Variants in CNBP observed in about 807,000 individuals in gnomAD.
The protein encoded by CNBP is cellular nucleic acid-binding protein.
CNBP carries 6 observed loss-of-function variants against 21.2 expected under a neutral mutation model. The observed-to-expected ratio is 0.28, with a 90% confidence interval of 0.16 to 0.56. CNBP has a LOEUF of 0.56. Ranked by LOEUF, CNBP falls within the 20% of genes least tolerant of loss-of-function variation. The pLI is 0.93. For synonymous variants in CNBP, 61 were observed against 74.9 expected (o/e 0.81, Z 0.96); for missense variants, 112 against 233.1 (o/e 0.48, Z 3.38).
intron 4 of CNBP, 149 bp from the exon 5 acceptor site, chr3:129,170,719 T>A: frequency 1.5e-6 from 1 of 664,754 alleles, no homozygotes; most frequent in South Asian, 1.8e-5. Flanking sequence ...ACAACATTTA[T>A]CAAATTATAC....
chr3:129,180,632 G>C (rs888226242), intron 1 of CNBP, among the ~76,000 whole-genome samples: 1 of 152,214 alleles, frequency 6.6e-6, no homozygotes, highest in Non-Finnish European at 1.5e-5. Context: ...GACACTGCCA[G>C]AACAGGAGTT....
At chr3:129,174,349 T>TAAAAAAAAAA (rs56752888) in intron 1 of CNBP, among the ~76,000 whole-genome samples, 3 of 63,150 alleles carry the variant, frequency 4.8e-5, no homozygotes, top group Non-Finnish European at 8.0e-5. Flanking sequence ...GAGTCAGAAT[T>TAAAAAAAAAA]AAAAAAAAAA....
Position 129,172,644 on chromosome 3 carries a change from GCAGGCAGGCAGGCAGACAGACAGA to G in CNBP, c.-14-897_-14-874del, listed in dbSNP as rs1356789078. Among the ~76,000 whole-genome samples the G allele has an allele frequency of 2.8e-3, 312 of 111,778 alleles. 1 individual carries two copies. Among genetic ancestry groups the G allele is most frequent in the South Asian group, 0.014 (45 of 3,272 alleles). 73.3% of individuals were successfully genotyped at this position (111,778 alleles called of 152,430 possible). A position where few individuals can be genotyped will look rare whatever the true frequency, so the allele number is the denominator to read the frequency against. On this transcript the variant is annotated intron_variant, in intron 1 of 4. Coordinates refer to ENST00000422453, the MANE Select transcript of CNBP (RefSeq NM_003418.5). Reference sequence around the variant, plus strand: ...GGCAGCCAGGCAGGCAGGCAGGCAGGCAGGCAGGCAGGCAGACAGACAGACAGACAGACAGACAGACAGACAGAC... The same window carrying G: ...GGCAGCCAGGCAGGCAGGCAGGCAGGCAGACAGACAGACAGACAGACAGAC...
At chr3:129,178,287 A>T (rs1286300799) in intron 1 of CNBP, among the ~76,000 whole-genome samples, 1 of 152,180 alleles carries the variant, frequency 6.6e-6, no homozygotes, top group Non-Finnish European at 1.5e-5. Flanking sequence ...AAGAAACCAC[A>T]AATGGTTAGT....
Position 129,171,642 on chromosome 3 carries a change from G to A in CNBP, c.116C>T (p.Ser39Leu), listed in dbSNP as rs769989561. 14 of 1,614,000 alleles carry A rather than the reference G, an allele frequency of 8.7e-6. No homozygotes were observed. Among genetic ancestry groups the A allele is most frequent in the African/African-American group, 4.0e-5 (3 of 74,888 alleles). ...MRSRGRGGFT[S>L]DRGFQFVSSS... Reference sequence around the variant, plus strand: ...TCTATTCGACAAAATACCTCTATCCGAGGTAAAACCACCTCTGCCACGGCT... The same window carrying A: ...TCTATTCGACAAAATACCTCTATCCAAGGTAAAACCACCTCTGCCACGGCT... The change falls in exon 2 of 5, where the codon TCG becomes TTG. Residue 39 changes from serine (S) to leucine (L), a missense_variant. Physicochemically the swap from Ser to Leu is moderately radical, Grantham distance 145. Transcript: ENST00000422453.
rs963891474 is a variant in CNBP, at chr3:129,171,900, C to G, written c.-14-129G>C. 17 of 1,065,016 alleles carry G rather than the reference C, an allele frequency of 1.6e-5. 1 individual carries two copies. In the South Asian group the frequency reaches 2.9e-4, roughly 18 times the overall value. 66.0% of individuals were successfully genotyped at this position (1,065,016 alleles called of 1,614,324 possible). On this transcript the variant is annotated intron_variant, in intron 1 of 4. Transcript: ENST00000422453. ...GCTAATATATTGGTTAAAAAAATAG[C>G]TGGGCATGGTGGCTCACGCCAGTAA...
chr3:129,179,421 T>G (rs1304304075), intron 1 of CNBP, among the ~76,000 whole-genome samples: 2 of 152,230 alleles, frequency 1.3e-5, no homozygotes, highest in Non-Finnish European at 2.9e-5. Flanking sequence ...AACTTACTGC[T>G]TGACCTTGGT....
At position 129,171,556 on chromosome 3, in the gene CNBP, A is replaced by G; in HGVS notation, c.125-18T>C. ...CTGGAAACCTGTTTTGAGCAAAAAC[A>G]AAGAATTCGGCTAGTCAGACCAGTC... is the stretch of plus-strand genomic sequence containing the variant. On this transcript the variant is annotated intron_variant, in intron 2 of 4. Coordinates refer to ENST00000422453, the MANE Select transcript of CNBP (RefSeq NM_003418.5). The G allele has an allele frequency of 1.2e-6, 2 of 1,614,208 alleles. No individual in the cohort carries two copies. Among genetic ancestry groups the G allele is most frequent in the Non-Finnish European group, 8.5e-7 (1 of 1,179,986 alleles).
Position 129,169,259 on chromosome 3 carries a change from C to G in CNBP, c.*1194G>C, listed in dbSNP as rs1937526609. Among the ~76,000 whole-genome samples the G allele has an allele frequency of 6.6e-6, 1 of 152,150 alleles. No homozygotes were observed. Among genetic ancestry groups the G allele is most frequent in the South Asian group, 2.1e-4 (1 of 4,820 alleles). ...CAGTGAGCCAAGCCTGCACTCCAGC[C>G]TGGGCGACAAGAGTGAGACTCCGTC... On this transcript the variant is annotated 3_prime_UTR_variant, in exon 5 of 5. Transcript: ENST00000422453.
Position 129,182,816 on chromosome 3 carries a change from TG to T in CNBP, c.-15+959del, listed in dbSNP as rs530902259. ...TAACACAAGCAACTTAGTATTTAAA[TG>T]ACGATAAAAATTCAAGAATCGGAAA... On this transcript the variant is annotated intron_variant, in intron 1 of 4. Transcript: ENST00000422453. 3.3e-3 allele frequency among the ~76,000 whole-genome samples: 497 copies of T among 152,240 alleles called. 4 individuals carry two copies. Among genetic ancestry groups the T allele is most frequent in the African/African-American group, 0.012 (484 of 41,522 alleles).
At chr3:129,172,983 C>T (rs1043501642) in intron 1 of CNBP, among the ~76,000 whole-genome samples, 6 of 152,154 alleles carry the variant, frequency 3.9e-5, no homozygotes, top group African/African-American at 1.4e-4. Context: ...TGCCTGGTGA[C>T]TGAGATATTC....
At chr3:129,178,260 A>C in intron 1 of CNBP, among the ~76,000 whole-genome samples, 1 of 152,038 alleles carries the variant, frequency 6.6e-6, no homozygotes, top group East Asian at 1.9e-4. Context: ...ACACATTTTG[A>C]ACTTATCTTG....
At position 129,169,116 on chromosome 3, in the gene CNBP, AAATAAAAT is replaced by A. The variant is rs1937523850; in HGVS notation, c.*1329_*1336del. Among the ~76,000 whole-genome samples the A allele has an allele frequency of 6.6e-6, 1 of 151,510 alleles. No individual in the cohort carries two copies. The highest frequency in any genetic ancestry group is 1.5e-5 in the Non-Finnish European group (1 of 67,936). ...CACTCTGTCTCAAAAAAAAATAAAA[AAATAAAAT>A]AAAAATAAAAATACAAAAAATTAGC... On this transcript the variant is annotated 3_prime_UTR_variant, in exon 5 of 5. Coordinates refer to ENST00000422453, the MANE Select transcript of CNBP (RefSeq NM_003418.5).
chr3:129,177,325 CTG>C (rs1937974793), intron 1 of CNBP, among the ~76,000 whole-genome samples: 1 of 152,164 alleles, frequency 6.6e-6, no homozygotes. Flanking sequence ...CTGCCTGACA[CTG>C]TAAGAGATTT....
chr3:129,172,691 GACAGACACACACACACACACACAC>G (rs1937634027), intron 1 of CNBP, among the ~76,000 whole-genome samples: 1 of 74,612 alleles, frequency 1.3e-5, no homozygotes. Context: ...CAGACAGACA[GACAGACACACACACACACACACAC>G]ACACACACAC....
intron 1 of CNBP, among the ~76,000 whole-genome samples, chr3:129,176,095 ATTAT>A (rs1261767044): frequency 6.6e-6 from 1 of 152,176 alleles, no homozygotes; most frequent in Admixed American, 6.5e-5. Context: ...TCATATGAAC[ATTAT>A]TTAGTTTAAA....
intron 1 of CNBP, among the ~76,000 whole-genome samples, chr3:129,172,544 T>A (rs1937594472): frequency 6.6e-6 from 1 of 151,554 alleles, no homozygotes; most frequent in African/African-American, 2.4e-5. Context: ...ATCATACCAC[T>A]GCACTCCAGC....
intron 1 of CNBP, among the ~76,000 whole-genome samples, chr3:129,176,715 T>A (rs1214171034): frequency 6.6e-6 from 1 of 152,220 alleles, no homozygotes; most frequent in Non-Finnish European, 1.5e-5. Context: ...CTCTCAGCTT[T>A]CTGAAATCAT....
intron 1 of CNBP, among the ~76,000 whole-genome samples, chr3:129,176,492 C>A (rs183420775): frequency 3.3e-5 from 5 of 152,122 alleles, no homozygotes; most frequent in Non-Finnish European, 7.3e-5. Flanking sequence ...CTTTTAGTAG[C>A]CATTATGTAA....
Sources: allele counts gnomAD v4.1 joint callset (sites outside exome capture counted in the v4.1 genomes callset), GRCh38; gene constraint gnomAD v4.1.1; transcripts MANE v1.5; gene names NCBI Gene and HGNC (gene_info 2026-07-23, HGNC 2026-07-21).